The following CDK2AP1 variants were observed in gnomAD, a reference collection of about 807,000 sequenced individuals.
The protein encoded by CDK2AP1 is cyclin dependent kinase 2 associated protein 1, also known as cyclin-dependent kinase 2-associated protein 1.
A neutral mutation model predicts 14.1 loss-of-function variants in CDK2AP1; 10 were observed. That is an observed-to-expected ratio of 0.71 (90% CI 0.44 to 1.20). The LOEUF (loss-of-function observed/expected upper bound fraction) is 1.20, where lower values mean the gene tolerates loss of function less well. Ranked by LOEUF, CDK2AP1 falls within the 50% of genes most tolerant of loss-of-function variation. The pLI is 0.00. For synonymous variants in CDK2AP1, 59 were observed against 59.8 expected (o/e 0.99, Z 0.06); for missense variants, 102 against 149.9 (o/e 0.68, Z 1.67).
At chr12:123,264,637 G>A (rs935526140) in intron 3 of CDK2AP1, among the ~76,000 whole-genome samples, 1 of 151,984 alleles carries the variant, frequency 6.6e-6, no homozygotes, top group South Asian at 2.1e-4. Context: ...TTCGAAATCA[G>A]ACGGACAGTC....
Position 123,261,326 on chromosome 12 carries a change from C to A in CDK2AP1, c.*410G>T. 1 of 159,522 alleles carries A rather than the reference C, an allele frequency of 6.3e-6. No homozygotes were observed. The highest frequency in any genetic ancestry group is 1.4e-5 in the Non-Finnish European group (1 of 72,782). The allele number at this position is 159,522 out of a possible 1,614,324, so 9.9% of individuals were successfully genotyped here. ...GGAACCGGCTACTAAGTAAAGCGTGCTGTCAATATGCGTTCAAAACAAAAT... is the reference window on the plus strand; with the variant it reads ...GGAACCGGCTACTAAGTAAAGCGTGATGTCAATATGCGTTCAAAACAAAAT... On this transcript the variant is annotated 3_prime_UTR_variant, in exon 4 of 4. Transcript: ENST00000261692.
At chr12:123,272,051 G>C (rs910463037), upstream of CDK2AP1, 1 of 149,636 alleles carries the variant, frequency 6.7e-6, no homozygotes, top group African/African-American at 2.4e-5. Context: ...GCGCCCCGGG[G>C]GTGTGCTGGG....
intron 1 of CDK2AP1, chr12:123,268,407 G>C (rs931841994): frequency 5.7e-6 from 1 of 176,226 alleles, no homozygotes; most frequent in Non-Finnish European, 1.1e-5. Context: ...CAGGCCCCTC[G>C]ATTTAGAGAA....
intron 1 of CDK2AP1, 40 bp downstream of exon 1, chr12:123,271,524 C>T (rs1593300027): frequency 1.6e-5 from 16 of 991,788 alleles, no homozygotes; most frequent in Non-Finnish European, 1.8e-5. Context: ...GGACCCCCAA[C>T]TTGGCGGCGC....
rs2048349562 is a variant in CDK2AP1, at chr12:123,271,064, AGCC to A, written c.55+497_55+499del. 3 of 933,884 alleles carry A rather than the reference AGCC, an allele frequency of 3.2e-6. No individual in the cohort carries two copies. The African/African-American group carries it at 5.8e-5, about 18-fold the overall frequency. 57.8% of individuals were successfully genotyped at this position (933,884 alleles called of 1,614,324 possible). On this transcript the variant is annotated intron_variant, in intron 1 of 3. Coordinates refer to ENST00000261692, the MANE Select transcript of CDK2AP1 (RefSeq NM_004642.4). ...CAGCCCCGCAGCCCCGCAGCCCCGC[AGCC>A]CTCCATCCGCGCCCGCCCGCGCGGG...
Position 123,261,772 on chromosome 12 carries a change from C to T in CDK2AP1, c.312G>A (p.Glu104=). 1 of 1,614,036 alleles carries T rather than the reference C, an allele frequency of 6.2e-7. No homozygotes were observed. Among genetic ancestry groups the T allele is most frequent in the Non-Finnish European group, 8.5e-7 (1 of 1,179,884 alleles). ...CATTCCGTTCCGTTTCTGCCAAGCA[C>T]TCCCGAACCAGTCCTCTAGCGTGAA... ...GIIHARGLVR[E]CLAETERNAR... is the part of the protein sequence containing the mutation. Residue 104 remains glutamate, a synonymous_variant, in exon 4 of 4, where the codon GAG becomes GAA. Coordinates refer to ENST00000261692, the MANE Select transcript of CDK2AP1 (RefSeq NM_004642.4).
At position 123,264,621 on chromosome 12, in the gene CDK2AP1, C is replaced by T. The variant is rs545741732; in HGVS notation, c.280+575G>A. ...TTTCAGAAGGTAGCAACCTATTTAA[C>T]GTCCTTTCGAAATCAGACGGACAGT... On this transcript the variant is annotated intron_variant, in intron 3 of 3. Transcript: ENST00000261692. Among the ~76,000 whole-genome samples, 13 of 152,198 alleles carry T rather than the reference C, an allele frequency of 8.5e-5. No individual in the cohort carries two copies. In the East Asian group the frequency reaches 1.3e-3, roughly 16 times the overall value.
At position 123,265,857 on chromosome 12, in the gene CDK2AP1, C is replaced by T. The variant is rs1054996335; in HGVS notation, c.154-535G>A. On this transcript the variant is annotated intron_variant, in intron 2 of 3. Transcript: ENST00000261692. This position sits in a 1 kb window ranked among gnomAD's most constrained non-coding sequence, Gnocchi z 5.3. ...GGAGGGCACATCCCAGGTGCCAAGC[C>T]TCCAAGCCAGTGGGGAGACAAGAGG... Among the ~76,000 whole-genome samples, 2 of 152,192 alleles carry T rather than the reference C, an allele frequency of 1.3e-5. No homozygotes were observed. The highest frequency in any genetic ancestry group is 4.8e-5 in the African/African-American group (2 of 41,448).
chr12:123,267,438 A>C (rs2048309013), intron 1 of CDK2AP1, 156 bp from the exon 2 acceptor site: 1 of 604,194 alleles, frequency 1.7e-6, no homozygotes, highest in African/African-American at 1.8e-5. Context: ...CCAGCATATA[A>C]GATGGATAAT....
chr12:123,261,892 C>T (rs2138808828), intron 3 of CDK2AP1, 89 bp from the exon 4 acceptor site: 1 of 887,090 alleles, frequency 1.1e-6, no homozygotes, highest in Non-Finnish European at 1.9e-6. Context: ...TCCATCCTTC[C>T]ACAGCCTGTC....
chr12:123,267,543 A>T, intron 1 of CDK2AP1: 1 of 424,512 alleles, frequency 2.4e-6, no homozygotes, highest in Non-Finnish European at 4.4e-6. Flanking sequence ...CCTTCCAAGC[A>T]GCAGGGCTGC....
chr12:123,268,076 G>A (rs1163873498), intron 1 of CDK2AP1: 1 of 628,884 alleles, frequency 1.6e-6, no homozygotes, highest in African/African-American at 2.0e-5. Context: ...CCGTGGCTAG[G>A]AGCACGCGGC....
intron 1 of CDK2AP1, 76 bp downstream of exon 1, chr12:123,271,488 C>A (rs2048353230): frequency 1.2e-6 from 1 of 828,968 alleles, no homozygotes; most frequent in Non-Finnish European, 1.5e-6. Flanking sequence ...GCGCCCCGGG[C>A]ATCCCCGGGC....
At chr12:123,271,239 C>G (rs1175518007) in intron 1 of CDK2AP1, 1 of 154,526 alleles carries the variant, frequency 6.5e-6, no homozygotes, top group Non-Finnish European at 1.4e-5. Flanking sequence ...GCCCAGAAGC[C>G]GGAGGAAAAA....
In CDK2AP1 at chr12:123,271,665, GGGCGGC is replaced by G. The variant is rs1052747136; in HGVS notation, c.-53_-48del. 6.0e-6 allele frequency: 5 copies of G among 833,224 alleles called. No homozygotes were observed. The highest frequency in any genetic ancestry group is 6.5e-5 in the Admixed American group (1 of 15,496). 51.6% of individuals were successfully genotyped at this position (833,224 alleles called of 1,614,324 possible). A position where few individuals can be genotyped will look rare whatever the true frequency, so the allele number is the denominator to read the frequency against. On this transcript the variant is annotated 5_prime_UTR_variant, in exon 1 of 4. Transcript: ENST00000261692. ...CGGGCGCGGCGGGGCCAGGCCGCGAGGGCGGCGGCGGCGGCGGCGAGGCCGGGCGGT... is the reference window on the plus strand; with the variant it reads ...CGGGCGCGGCGGGGCCAGGCCGCGAGGGCGGCGGCGGCGAGGCCGGGCGGT...
chr12:123,264,661 A>T (rs1452086679), intron 3 of CDK2AP1, among the ~76,000 whole-genome samples: 1 of 152,020 alleles, frequency 6.6e-6, no homozygotes, highest in Non-Finnish European at 1.5e-5. Context: ...CCTTAACACG[A>T]GTCCCTTGTG....
rs1459876400 is a variant in CDK2AP1 at position 123,261,153 on chromosome 12, G to A, written c.*583C>T. The A allele has an allele frequency of 1.3e-5, 2 of 152,516 alleles. No homozygotes were observed. Among genetic ancestry groups the A allele is most frequent in the African/African-American group, 4.8e-5 (2 of 41,396 alleles). The allele number at this position is 152,516 out of a possible 1,614,324, so 9.4% of individuals were successfully genotyped here. ...CAGTCTTAGTATGAAAGTGTTCGGGGGTCCTTGTTAGGTTTGGTGGGTTGC... is the reference window on the plus strand; with the variant it reads ...CAGTCTTAGTATGAAAGTGTTCGGGAGTCCTTGTTAGGTTTGGTGGGTTGC... On this transcript the variant is annotated 3_prime_UTR_variant, in exon 4 of 4. Coordinates refer to ENST00000261692, the MANE Select transcript of CDK2AP1 (RefSeq NM_004642.4).
intron 1 of CDK2AP1, among the ~76,000 whole-genome samples, chr12:123,268,544 G>A (rs2048321857): frequency 6.6e-6 from 1 of 152,226 alleles, no homozygotes; most frequent in African/African-American, 2.4e-5. Context: ...TGAGTCTCAG[G>A]CCAGCCCTGG....
chr12:123,272,182 TATTTAAGCACGTAG>T (rs2048360283), upstream of CDK2AP1: 1 of 152,156 alleles, frequency 6.6e-6, no homozygotes, highest in South Asian at 2.1e-4. Context: ...GCGAGTGGTG[TATTTAAGCACGTAG>T]ATCATTCCAG....
Sources: allele counts gnomAD v4.1 joint callset (sites outside exome capture counted in the v4.1 genomes callset), GRCh38; gene constraint gnomAD v4.1.1; non-coding constraint Gnocchi (gnomAD v3.1); transcripts MANE v1.5; gene names NCBI Gene and HGNC (gene_info 2026-07-23, HGNC 2026-07-21).